The following DLGAP1 variants were observed in gnomAD, a reference collection of about 807,000 sequenced individuals.
The protein encoded by DLGAP1 is disks large-associated protein 1.
In DLGAP1, 11 loss-of-function variants were observed where a neutral mutation model predicts 90.8. The ratio of observed to expected loss-of-function variants is 0.12; its 90% confidence interval spans 0.08 to 0.20. DLGAP1 has a LOEUF of 0.20. Ranked by LOEUF, DLGAP1 falls within the 10% of genes least tolerant of loss-of-function variation. The pLI is 1.00. For missense variants in DLGAP1, 1,050 were observed against 1,333.8 expected, an observed-to-expected ratio of 0.79 and a Z score of 3.31; for synonymous variants, 558 against 540.7, an observed-to-expected ratio of 1.03 and a Z score of -0.44.
At chr18:3,792,919 C>T (rs1031932491) in intron 5 of DLGAP1, among the ~76,000 whole-genome samples, 4 of 152,198 alleles carry the variant, frequency 2.6e-5, no homozygotes, top group Non-Finnish European at 5.9e-5. Context: ...GTGCTTCTTC[C>T]TCCACCTGCG....
At position 4,098,096 on chromosome 18, in the gene DLGAP1, T is replaced by C. The variant is rs2075713830; in HGVS notation, c.-159+53084A>G. ...GCCTGGCTAATCTCTTTTGTATTTG[T>C]AGAGACGGGATTTTGCCATGTTGCC... On this transcript the variant is annotated intron_variant, in intron 2 of 12. Coordinates refer to ENST00000315677, the MANE Select transcript of DLGAP1 (RefSeq NM_004746.4). Among the ~76,000 whole-genome samples, 3 of 152,178 alleles carry C rather than the reference T, an allele frequency of 2.0e-5. No individual in the cohort carries two copies. In the South Asian group the frequency reaches 6.2e-4, roughly 31 times the overall value.
intron 3 of DLGAP1, among the ~76,000 whole-genome samples, chr18:3,939,416 C>CAAAAAA (rs10591716): frequency 3.7e-5 from 3 of 82,128 alleles, no homozygotes; most frequent in Non-Finnish European, 6.8e-5. Flanking sequence ...GATTCTGTCT[C>CAAAAAA]AAAAAAAAAA....
At chr18:4,101,385 T>A (rs1407169251) in intron 2 of DLGAP1, among the ~76,000 whole-genome samples, 1 of 152,140 alleles carries the variant, frequency 6.6e-6, no homozygotes, top group Non-Finnish European at 1.5e-5. Flanking sequence ...GTGCAGTTCA[T>A]GACATCTCAA....
rs2064918009 is a variant in DLGAP1, at chr18:3,775,878, C to T, written c.1173-33366G>A. On this transcript the variant is annotated intron_variant, in intron 5 of 12. Transcript: ENST00000315677. This position sits in a 1 kb window ranked among gnomAD's most constrained non-coding sequence, Gnocchi z 4.9. ...AGATAAACAACCCTGGCTTCTGATACCATAGATTCGTTTGGTCTGTTTTTG... is the reference window on the plus strand; with the variant it reads ...AGATAAACAACCCTGGCTTCTGATATCATAGATTCGTTTGGTCTGTTTTTG... Among the ~76,000 whole-genome samples the T allele has an allele frequency of 6.6e-6, 1 of 152,132 alleles. No individual in the cohort carries two copies. Among genetic ancestry groups the T allele is most frequent in the Non-Finnish European group, 1.5e-5 (1 of 68,038 alleles).
At chr18:3,670,750 T>G (rs1181026651) in intron 7 of DLGAP1, among the ~76,000 whole-genome samples, 1 of 152,222 alleles carries the variant, frequency 6.6e-6, no homozygotes, top group East Asian at 1.9e-4. Flanking sequence ...TATACCTGCT[T>G]GTATTAACCA....
intron 5 of DLGAP1, among the ~76,000 whole-genome samples, chr18:3,786,220 T>C (rs1023010858): frequency 6.6e-6 from 1 of 152,156 alleles, no homozygotes; most frequent in African/African-American, 2.4e-5. Context: ...GTTCTAGGGA[T>C]TGGGATTTAG....
chr18:3,507,802 C>T (rs1427245739), intron 11 of DLGAP1, among the ~76,000 whole-genome samples: 1 of 117,026 alleles, frequency 8.5e-6, no homozygotes, highest in Non-Finnish European at 1.6e-5. Flanking sequence ...GTGCAATGAA[C>T]CTCAGCTCGC....
intron 7 of DLGAP1, among the ~76,000 whole-genome samples, chr18:3,618,225 A>C (rs1712127889): frequency 6.6e-6 from 1 of 152,224 alleles, no homozygotes; most frequent in Non-Finnish European, 1.5e-5. Context: ...AATTACTCTA[A>C]CAAGTTACAA....
intron 9 of DLGAP1, among the ~76,000 whole-genome samples, chr18:3,551,356 C>A (rs2053409604): frequency 6.6e-6 from 1 of 151,898 alleles, no homozygotes; most frequent in African/African-American, 2.4e-5. Context: ...TTCCACGATT[C>A]CCCTGCCTCA....
intron 7 of DLGAP1, among the ~76,000 whole-genome samples, chr18:3,679,540 C>T (rs1215391991): frequency 6.6e-6 from 1 of 151,150 alleles, no homozygotes; most frequent in Admixed American, 6.6e-5. Flanking sequence ...TCAGCCACCC[C>T]AGTGGCCTAC....
chr18:3,668,954 G>A lies in DLGAP1; in HGVS notation c.1591+60181C>T, dbSNP rs146818591. 6.0e-3 allele frequency among the ~76,000 whole-genome samples: 917 copies of A among 152,018 alleles called. 7 individuals are homozygous for A. The highest frequency in any genetic ancestry group is 0.021 in the African/African-American group (876 of 41,468). On this transcript the variant is annotated intron_variant, in intron 7 of 12. Coordinates refer to ENST00000315677, the MANE Select transcript of DLGAP1 (RefSeq NM_004746.4). ...AGCCGAGATCGCGCCACTGCACTCC[G>A]GCCTGGGCGACCGAGTAAGACTCTG...
rs192100209 is a variant in DLGAP1, at chr18:3,731,324, T to C, written c.1351-1949A>G. Among the ~76,000 whole-genome samples, 408 of 152,294 alleles carry C rather than the reference T, an allele frequency of 2.7e-3. 2 individuals are homozygous for C. Among genetic ancestry groups the C allele is most frequent in the African/African-American group, 9.3e-3 (387 of 41,560 alleles). On this transcript the variant is annotated intron_variant, in intron 6 of 12. Transcript: ENST00000315677. ...GGATGATTATCTTTCCAGATAAGTA[T>C]ATATGTCCCCTCTTCTACTTTGTAT...
chr18:4,007,058 G>A (rs891029313), intron 2 of DLGAP1, among the ~76,000 whole-genome samples: 8 of 152,170 alleles, frequency 5.3e-5, no homozygotes, highest in African/African-American at 1.7e-4. Flanking sequence ...GGATAACAAG[G>A]TTAAAACTAT....
intron 2 of DLGAP1, among the ~76,000 whole-genome samples, chr18:4,018,850 T>C (rs1245886276): frequency 2.0e-5 from 3 of 152,304 alleles, no homozygotes; most frequent in Admixed American, 6.5e-5. Context: ...AGGGGAAAGA[T>C]GGAAAAGGTA....
intron 1 of DLGAP1, among the ~76,000 whole-genome samples, chr18:4,394,495 T>A (rs527290325): frequency 5.9e-5 from 9 of 152,228 alleles, no homozygotes; most frequent in African/African-American, 1.9e-4. Context: ...AAAATGCACA[T>A]CTACTTGGAA....
In DLGAP1 at chr18:4,378,217, G is replaced by A. The variant is rs1486994764; in HGVS notation, c.-267+76789C>T. 6.6e-6 allele frequency among the ~76,000 whole-genome samples: 1 copy of A among 151,326 alleles called. No homozygotes were observed. The highest frequency in any genetic ancestry group is 2.4e-5 in the African/African-American group (1 of 41,276). On this transcript the variant is annotated intron_variant, in intron 1 of 12. Coordinates refer to ENST00000315677, the MANE Select transcript of DLGAP1 (RefSeq NM_004746.4). This position sits in a 1 kb window ranked among gnomAD's most constrained non-coding sequence, Gnocchi z 4.5. ...CGGAAGACTACTGAATGGGGGAGGT[G>A]TGGAATGGGGAAGCCAGGAAAGAGG...
chr18:4,306,404 G>A (rs1268644618), intron 1 of DLGAP1, among the ~76,000 whole-genome samples: 1 of 149,604 alleles, frequency 6.7e-6, no homozygotes, highest in Non-Finnish European at 1.5e-5. Flanking sequence ...AAGGATATGA[G>A]AATAAAAAAA....
chr18:3,978,114 C>A, intron 3 of DLGAP1: 2 of 444,132 alleles, frequency 4.5e-6, no homozygotes, highest in South Asian at 1.7e-5. Flanking sequence ...GGCCATGAGT[C>A]CTTCCACGAT....
intron 8 of DLGAP1, among the ~76,000 whole-genome samples, chr18:3,578,970 A>G (rs1450817808): frequency 6.6e-6 from 1 of 152,204 alleles, no homozygotes; most frequent in Non-Finnish European, 1.5e-5. Context: ...ACATGAGATA[A>G]TGTCTCAAGT....
Sources: gnomAD v4.1 joint callset for allele counts (sites outside exome capture counted in the v4.1 genomes callset) on GRCh38, gnomAD v4.1.1 for gene constraint, Gnocchi (gnomAD v3.1) non-coding constraint, MANE v1.5 for transcripts, NCBI Gene and HGNC (gene_info 2026-07-23, HGNC 2026-07-21) for gene names.